The following ANKRD11 variants were observed in gnomAD, a reference collection of about 807,000 sequenced individuals.
ANKRD11 encodes ankyrin repeat domain-containing protein 11.
In ANKRD11, 17 loss-of-function variants were observed where a neutral mutation model predicts 195.7. That is an observed-to-expected ratio of 0.09 (90% confidence interval 0.06 to 0.13). ANKRD11 has a LOEUF of 0.13. Among genes scored for constraint, ANKRD11 ranks in the 10% least tolerant of loss-of-function variants. The pLI is 1.00. For missense variants in ANKRD11, 3,735 were observed against 3,566.1 expected (o/e 1.05, Z -1.21); for synonymous variants, 1,953 against 1,528.1 (o/e 1.28, Z -6.49).
chr16:89,431,607 G>C (rs2042981270), intron 1 of ANKRD11, among the ~76,000 whole-genome samples: 1 of 152,058 alleles, frequency 6.6e-6, no homozygotes, highest in African/African-American at 2.4e-5. Context: ...TGTGAACTTT[G>C]TTTCCATTTT....
At chr16:89,374,694 C>T (rs1489555229) in intron 2 of ANKRD11, among the ~76,000 whole-genome samples, 1 of 152,204 alleles carries the variant, frequency 6.6e-6, no homozygotes, top group Non-Finnish European at 1.5e-5. Flanking sequence ...GGGAAAAGCA[C>T]TTCAACTCTG....
intron 1 of ANKRD11, among the ~76,000 whole-genome samples, chr16:89,427,035 G>A (rs2042744964): frequency 6.6e-6 from 1 of 152,174 alleles, no homozygotes; most frequent in African/African-American, 2.4e-5. Context: ...TATGCAACAA[G>A]GTCTTCAGTC....
chr16:89,383,425 T>C (rs908438322), intron 2 of ANKRD11, among the ~76,000 whole-genome samples: 2 of 152,176 alleles, frequency 1.3e-5, no homozygotes, highest in Admixed American at 1.3e-4. Flanking sequence ...TCTGGGAGAA[T>C]GTGAGTTCAG....
At chr16:89,455,218 G>C (rs538284763) in intron 1 of ANKRD11, among the ~76,000 whole-genome samples, 23 of 144,160 alleles carry the variant, frequency 1.6e-4, no homozygotes, top group Non-Finnish European at 3.3e-4. Flanking sequence ...GGTGCTTCTA[G>C]GGTTCCTCAA....
intron 2 of ANKRD11, among the ~76,000 whole-genome samples, chr16:89,334,871 G>C (rs1483711533): frequency 1.3e-5 from 2 of 152,138 alleles, no homozygotes; most frequent in African/African-American, 4.8e-5. Flanking sequence ...TGGATTCGAA[G>C]AGCCAGACAC....
At chr16:89,289,923 G>A (rs1416728452) in intron 6 of ANKRD11, among the ~76,000 whole-genome samples, 2 of 152,264 alleles carry the variant, frequency 1.3e-5, no homozygotes, top group Admixed American at 6.5e-5. Context: ...GCCTGCACCC[G>A]GAAGGCTGAG....
intron 2 of ANKRD11, among the ~76,000 whole-genome samples, chr16:89,399,854 G>A (rs1239753478): frequency 6.6e-6 from 1 of 152,152 alleles, no homozygotes; most frequent in Admixed American, 6.5e-5. Context: ...AATGGTCCCA[G>A]AGCACAGGGC....
Position 89,279,787 on chromosome 16 carries a change from C to G in ANKRD11, c.6755G>C (p.Gly2252Ala). Reference protein sequence around the residue: ...APVPPEQRPLGSGDQGAEAEG... With the variant: ...APVPPEQRPLASGDQGAEAEG... ...AGCCTCAGCCCCCTGGTCTCCGCTC[C>G]CCAGTGGGCGCTGTTCTGGGGGAAC... is the stretch of plus-strand genomic sequence containing the variant. The change falls in exon 9 of 13, where the codon GGG becomes GCG. Residue 2252 changes from glycine to alanine, a missense_variant. By Grantham distance (60) the Gly-to-Ala change is moderately conservative. Coordinates refer to ENST00000301030, the MANE Select transcript of ANKRD11 (RefSeq NM_013275.6). This position sits in a 1 kb window ranked among gnomAD's most constrained non-coding sequence, Gnocchi z 5.6. 6.5e-7 allele frequency: 1 copy of G among 1,535,790 alleles called. No homozygotes were observed.
At chr16:89,425,607 C>T (rs1291473051) in intron 1 of ANKRD11, among the ~76,000 whole-genome samples, 2 of 152,256 alleles carry the variant, frequency 1.3e-5, no homozygotes, top group African/African-American at 2.4e-5. Context: ...CGGTCTCCTT[C>T]GTTTTTTCAG....
At position 89,285,675 on chromosome 16, in the gene ANKRD11, C is replaced by A; in HGVS notation, c.893-26G>T. The A allele has an allele frequency of 6.2e-7, 1 of 1,612,178 alleles. No homozygotes were observed. The highest frequency in any genetic ancestry group is 8.5e-7 in the Non-Finnish European group (1 of 1,178,284). On this transcript the variant is annotated intron_variant, in intron 8 of 12. Coordinates refer to ENST00000301030, the MANE Select transcript of ANKRD11 (RefSeq NM_013275.6). The surrounding 1 kb of genome is among the most constrained non-coding windows in gnomAD (Gnocchi z 5.6). ...CTGTTGGAGGTAGGAAGCGAGAGGT[C>A]ACAGGCAGGCTCAAAACAGCTCTCC...
intron 3 of ANKRD11, among the ~76,000 whole-genome samples, chr16:89,312,831 C>A (rs564068098): frequency 6.6e-6 from 1 of 152,212 alleles, no homozygotes; most frequent in Non-Finnish European, 1.5e-5. Flanking sequence ...CCCAGCCATG[C>A]GCCTCCCAGC....
intron 2 of ANKRD11, among the ~76,000 whole-genome samples, chr16:89,407,490 AGGGCTGTT>A (rs1239662250): frequency 6.6e-6 from 1 of 152,152 alleles, no homozygotes; most frequent in Non-Finnish European, 1.5e-5. Context: ...TCGCCTCGTC[AGGGCTGTT>A]GCACGACAGC....
At chr16:89,294,425 A>C (rs2035275680) in intron 4 of ANKRD11, among the ~76,000 whole-genome samples, 2 of 152,144 alleles carry the variant, frequency 1.3e-5, no homozygotes, top group Non-Finnish European at 2.9e-5. Flanking sequence ...CAGATCTCCC[A>C]GGATGCCAAT....
At chr16:89,388,928 C>G (rs2041051031) in intron 2 of ANKRD11, among the ~76,000 whole-genome samples, 1 of 152,166 alleles carries the variant, frequency 6.6e-6, no homozygotes, top group Non-Finnish European at 1.5e-5. Context: ...TATGTGGATC[C>G]CAGAACAAAG....
At chr16:89,411,306 C>T (rs569803077) in intron 2 of ANKRD11, among the ~76,000 whole-genome samples, 1 of 121,388 alleles carries the variant, frequency 8.2e-6, no homozygotes, top group Admixed American at 8.2e-5. Context: ...CCAGCACTGC[C>T]TTCAGAATCC....
At chr16:89,310,312 A>T (rs1567622962) in intron 3 of ANKRD11, among the ~76,000 whole-genome samples, 1 of 152,224 alleles carries the variant, frequency 6.6e-6, no homozygotes, top group Non-Finnish European at 1.5e-5. Flanking sequence ...CTGTCCTGCT[A>T]CCAAGAGGAA....
chr16:89,279,063 C>T lies in ANKRD11; in HGVS notation c.7470+9G>A, dbSNP rs576704006. On this transcript the variant is annotated intron_variant, in intron 9 of 12. Coordinates refer to ENST00000301030, the MANE Select transcript of ANKRD11 (RefSeq NM_013275.6). The surrounding 1 kb of genome is among the most constrained non-coding windows in gnomAD (Gnocchi z 5.6). Reference sequence around the variant, plus strand: ...AGAAGGCAGTGGCTCTCCCGGGCCCCGCACTCACCACGGGGATGTGGAGCT... The same window carrying T: ...AGAAGGCAGTGGCTCTCCCGGGCCCTGCACTCACCACGGGGATGTGGAGCT... 5.0e-6 allele frequency: 8 copies of T among 1,613,716 alleles called. No homozygotes were observed. The East Asian group carries it at 1.1e-4, about 22-fold the overall frequency.
intron 2 of ANKRD11, among the ~76,000 whole-genome samples, chr16:89,327,024 G>C (rs1259003061): frequency 6.6e-6 from 1 of 151,082 alleles, no homozygotes; most frequent in Non-Finnish European, 1.5e-5. Context: ...CAGAGGTGGG[G>C]AATGCAGAGG....
chr16:89,273,634 T>C (rs1325427899), intron 11 of ANKRD11, among the ~76,000 whole-genome samples: 1 of 151,576 alleles, frequency 6.6e-6, no homozygotes, highest in Non-Finnish European at 1.5e-5. Flanking sequence ...AAGCCAGAGG[T>C]TGCAGTGAGC....
Sources: allele counts gnomAD v4.1 joint callset (sites outside exome capture counted in the v4.1 genomes callset), GRCh38; gene constraint gnomAD v4.1.1; non-coding constraint Gnocchi (gnomAD v3.1); transcripts MANE v1.5; gene names NCBI Gene and HGNC (gene_info 2026-07-23, HGNC 2026-07-21).